The following CEP112 variants were observed in gnomAD, a reference collection of about 807,000 sequenced individuals.
CEP112 encodes the protein centrosomal protein of 112 kDa.
CEP112 carries 127 observed loss-of-function variants against 153.0 expected under a neutral mutation model. The ratio of observed to expected loss-of-function variants is 0.83; its 90% CI spans 0.72 to 0.96. CEP112 has a LOEUF of 0.96. Ranked by LOEUF, CEP112 falls within the 40% of genes least tolerant of loss-of-function variation. The pLI, the probability that CEP112 is intolerant of heterozygous loss-of-function variation, is 0.00. For synonymous variants in CEP112, 358 were observed against 374.4 expected (o/e 0.96, Z 0.51); for missense variants, 1,089 against 1,101.2 (o/e 0.99, Z 0.16).
At chr17:65,953,808 C>T (rs1317640692) in intron 18 of CEP112, among the ~76,000 whole-genome samples, 1 of 152,190 alleles carries the variant, frequency 6.6e-6, no homozygotes, top group Non-Finnish European at 1.5e-5. Flanking sequence ...GCCAGCCCCA[C>T]ACAAGGAGAG....
chr17:66,171,894 T>C (rs541900781), intron 4 of CEP112, among the ~76,000 whole-genome samples: 2 of 152,344 alleles, frequency 1.3e-5, no homozygotes, highest in South Asian at 4.1e-4. Context: ...GCATGTCCTT[T>C]CCAGCTCCTT....
chr17:65,838,240 A>T (rs185834842), intron 21 of CEP112, among the ~76,000 whole-genome samples: 82 of 152,332 alleles, frequency 5.4e-4, no homozygotes, highest in Non-Finnish European at 1.1e-3. Context: ...TCTCCAGTAT[A>T]GACTACATAT....
At chr17:66,135,439 C>G (rs2070391376) in intron 4 of CEP112, among the ~76,000 whole-genome samples, 2 of 152,120 alleles carry the variant, frequency 1.3e-5, no homozygotes, top group Non-Finnish European at 2.9e-5. Flanking sequence ...ACCTTAAAAG[C>G]CTTTTTATGA....
chr17:66,000,433 G>A (rs773722366), intron 17 of CEP112, among the ~76,000 whole-genome samples: 24 of 150,394 alleles, frequency 1.6e-4, no homozygotes, highest in Non-Finnish European at 2.8e-4. Flanking sequence ...TCTGGGCGGG[G>A]TGAGGCAGCT....
At chr17:65,915,659 G>C (rs534818976) in intron 19 of CEP112, among the ~76,000 whole-genome samples, 1 of 151,772 alleles carries the variant, frequency 6.6e-6, no homozygotes, top group Non-Finnish European at 1.5e-5. Flanking sequence ...GTGGTGGTGG[G>C]TGCCTGTAGT....
At position 65,748,944 on chromosome 17, in the gene CEP112, C is replaced by T. The variant is rs145670000; in HGVS notation, c.2457+1718G>A. Reference sequence around the variant, plus strand: ...CTCTCGGTCTGCTTCCCCCATTTAACGTAAAGCGAAATAAGCAGGATGTTA... The same window carrying T: ...CTCTCGGTCTGCTTCCCCCATTTAATGTAAAGCGAAATAAGCAGGATGTTA... On this transcript the variant is annotated intron_variant, in intron 22 of 26. Coordinates refer to ENST00000535342, the MANE Select transcript of CEP112 (RefSeq NM_001199165.4). Among the ~76,000 whole-genome samples the T allele has an allele frequency of 2.1e-3, 323 of 152,240 alleles. 2 individuals are homozygous for T. The highest frequency in any genetic ancestry group is 6.8e-3 in the African/African-American group (283 of 41,550).
intron 19 of CEP112, among the ~76,000 whole-genome samples, chr17:65,926,978 A>T (rs1042963400): frequency 6.6e-6 from 1 of 152,068 alleles, no homozygotes; most frequent in African/African-American, 2.4e-5. Context: ...CCCAAATCTC[A>T]TGTTGAAATG....
chr17:65,765,498 C>T (rs139698600), intron 21 of CEP112, among the ~76,000 whole-genome samples: 32 of 152,118 alleles, frequency 2.1e-4, no homozygotes, highest in African/African-American at 6.5e-4. Context: ...ATATTCATGA[C>T]GAGAACCTGG....
At chr17:66,066,409 T>C (rs1342432414) in intron 10 of CEP112, among the ~76,000 whole-genome samples, 1 of 152,242 alleles carries the variant, frequency 6.6e-6, no homozygotes, top group African/African-American at 2.4e-5. Flanking sequence ...GACTTCCTCA[T>C]GAAGGCCAGT....
intron 23 of CEP112, among the ~76,000 whole-genome samples, chr17:65,717,708 A>G (rs1403954389): frequency 2.0e-5 from 3 of 152,200 alleles, no homozygotes; most frequent in African/African-American, 7.2e-5. Flanking sequence ...AAACTCTCAC[A>G]GCTTTTGAGT....
intron 4 of CEP112, among the ~76,000 whole-genome samples, chr17:66,169,763 C>T (rs1001153574): frequency 4.6e-5 from 7 of 152,228 alleles, no homozygotes; most frequent in Non-Finnish European, 1.0e-4. Context: ...AGATTGCATA[C>T]TTTTCCAAAA....
chr17:65,909,269 A>G (rs899416453), intron 19 of CEP112, among the ~76,000 whole-genome samples: 2 of 152,198 alleles, frequency 1.3e-5, no homozygotes, highest in Non-Finnish European at 2.9e-5. Flanking sequence ...TTTATATTCT[A>G]CATAGCCCTG....
At chr17:65,763,495 G>T (rs1402380970) in intron 21 of CEP112, among the ~76,000 whole-genome samples, 21 of 148,308 alleles carry the variant, frequency 1.4e-4, no homozygotes, top group Admixed American at 1.4e-3. Context: ...ATATTTTATT[G>T]TTTTTTTTCA....
Position 65,902,191 on chromosome 17 carries a change from G to C in CEP112, c.2124C>G (p.His708Gln), listed in dbSNP as rs370129214. 6.2e-7 allele frequency: 1 copy of C among 1,613,132 alleles called. No individual in the cohort carries two copies. The highest frequency in any genetic ancestry group is 1.7e-4 in the Middle Eastern group (1 of 6,054). The change falls in exon 20 of 27, where the codon CAC becomes CAG. Residue 708 changes from histidine (H) to glutamine (Q), a missense_variant. His to Gln is a conservative substitution (Grantham distance 24). Transcript: ENST00000535342. ...TCTTGAACTCCTGAATTTGATTTTC[G>C]TGCTCCATATTGGCAGCGCGAAGCT... ...EKQLRAANME[H>Q]ENQIQEFKKR...
chr17:65,842,786 T>C (rs2057569990), intron 21 of CEP112, among the ~76,000 whole-genome samples: 1 of 152,178 alleles, frequency 6.6e-6, no homozygotes, highest in South Asian at 2.1e-4. Flanking sequence ...ACATAGGAGA[T>C]ACATAAATAC....
chr17:65,879,209 T>C (rs1479207739), intron 20 of CEP112, among the ~76,000 whole-genome samples: 1 of 152,098 alleles, frequency 6.6e-6, no homozygotes, highest in Non-Finnish European at 1.5e-5. Flanking sequence ...ATCATGAGGG[T>C]CCATATCACA....
intron 6 of CEP112, among the ~76,000 whole-genome samples, chr17:66,120,438 T>A (rs2069519991): frequency 1.3e-5 from 2 of 152,158 alleles, no homozygotes; most frequent in South Asian, 4.1e-4. Flanking sequence ...TGGCCTCAGG[T>A]CATCAGCCCA....
At chr17:65,771,117 A>G (rs930443588) in intron 21 of CEP112, among the ~76,000 whole-genome samples, 3 of 152,088 alleles carry the variant, frequency 2.0e-5, no homozygotes. Flanking sequence ...AAGTTTAACT[A>G]CATGGTGCTT....
chr17:65,773,045 T>C (rs984242636), intron 21 of CEP112, among the ~76,000 whole-genome samples: 1 of 152,236 alleles, frequency 6.6e-6, no homozygotes, highest in African/African-American at 2.4e-5. Flanking sequence ...TAGGCACTAT[T>C]ATCCTCACTG....
Sources: gnomAD v4.1 joint callset for allele counts (sites outside exome capture counted in the v4.1 genomes callset) on GRCh38, gnomAD v4.1.1 for gene constraint, MANE v1.5 for transcripts, NCBI Gene and HGNC (gene_info 2026-07-23, HGNC 2026-07-21) for gene names.